The following NPC1L1 variants were observed in gnomAD, a reference collection of about 807,000 sequenced individuals.
NPC1L1 encodes the protein NPC1-like intracellular cholesterol transporter 1.
NPC1L1 carries 98 observed loss-of-function variants against 117.0 expected under a neutral mutation model. The observed-to-expected ratio is 0.84, with a 90% confidence interval of 0.71 to 0.99. The LOEUF (loss-of-function observed/expected upper bound fraction) is 0.99, where lower values mean the gene tolerates loss of function less well. Among genes scored for constraint, NPC1L1 ranks in the 50% least tolerant of loss-of-function variants. NPC1L1 has a pLI of 0.00. For synonymous variants in NPC1L1, 729 were observed against 727.6 expected, an observed-to-expected ratio of 1.00 and a Z score of -0.03; for missense variants, 1,540 against 1,710.0, an observed-to-expected ratio of 0.90 and a Z score of 1.75.
intron 10 of NPC1L1, among the ~76,000 whole-genome samples, chr7:44,529,110 A>AACACACACACACACAC (rs59108479): frequency 8.1e-6 from 1 of 123,012 alleles, no homozygotes. Context: ...GAATGAATTA[A>AACACACACACACACAC]ACACACACAC....
intron 10 of NPC1L1, 137 bp downstream of exon 10, chr7:44,531,618 G>T: frequency 1.4e-6 from 1 of 713,982 alleles, no homozygotes; most frequent in Non-Finnish European, 2.4e-6. Context: ...ACTGCTGGAG[G>T]TGCCTCCAGA....
At chr7:44,520,386 G>A (rs1023861014) in intron 14 of NPC1L1, among the ~76,000 whole-genome samples, 1 of 152,186 alleles carries the variant, frequency 6.6e-6, no homozygotes, top group Non-Finnish European at 1.5e-5. Flanking sequence ...GATTACAGGC[G>A]CCCAGCCTCT....
chr7:44,529,110 A>AACACACACAC (rs59108479), intron 10 of NPC1L1, among the ~76,000 whole-genome samples: 9 of 123,012 alleles, frequency 7.3e-5, no homozygotes, highest in South Asian at 2.9e-4. Flanking sequence ...GAATGAATTA[A>AACACACACAC]ACACACACAC....
chr7:44,535,745 C>T lies in NPC1L1; in HGVS notation c.1983+95G>A, dbSNP rs1801863792. 3 of 1,575,206 alleles carry T rather than the reference C, an allele frequency of 1.9e-6. 1 individual carries two copies. The highest frequency in any genetic ancestry group is 2.6e-6 in the Non-Finnish European group (3 of 1,153,422). ...ACTTGGGTGTGTCCACTTTGCTGTT[C>T]TGAGGTGCTGTGGTTAGGAAAGTTG... On this transcript the variant is annotated intron_variant, in intron 5 of 18. Transcript: ENST00000381160.
Position 44,539,462 on chromosome 7 carries a change from T to C in NPC1L1, c.935A>G (p.Asp312Gly). ...CTTGGGGTCCACCATCTTGCTTTTG[T>C]CCCTGGCGGGGGCCACACGGAATCC... ...LVGFRVAPAR[D>G]KSKMVDPKKG... Residue 312 changes from aspartate to glycine, a missense_variant, in exon 2 of 19, where the codon GAC becomes GGC. Asp to Gly is a moderately conservative substitution (Grantham distance 94, BLOSUM62 -1). Around this residue, in one of 3 missense-constraint regions of NPC1L1, gnomAD observed 793 missense variants for 820.4 expected, o/e 0.97. Transcript: ENST00000381160. This position sits in a 1 kb window ranked among gnomAD's most constrained non-coding sequence, Gnocchi z 4.4. 1 of 1,614,058 alleles carries C rather than the reference T, an allele frequency of 6.2e-7. No individual in the cohort carries two copies. The highest frequency in any genetic ancestry group is 8.5e-7 in the Non-Finnish European group (1 of 1,180,012).
rs1003595534 is a variant in NPC1L1 at position 44,516,789 on chromosome 7, T to G, written c.3433A>C (p.Ile1145Leu). The change falls in exon 16 of 19, where the codon ATT (isoleucine) becomes CTT (leucine). Residue 1145 changes from isoleucine (I) to leucine (L), a missense_variant. Around this residue, in one of 3 missense-constraint regions of NPC1L1, gnomAD observed 742 missense variants for 873.6 expected, o/e 0.85. Coordinates refer to ENST00000381160, the MANE Select transcript of NPC1L1 (RefSeq NM_001101648.2). ...LRSGLLNLLSIVMILVDTVGF... is the reference protein window; with the variant it reads ...LRSGLLNLLSLVMILVDTVGF... The stretch of plus-strand genomic sequence containing the variant: ...ACAGTGTCCACGAGGATCATGACAA[T>G]GGAGAGCAGGTTGAGGAGGCCGGAG... 6.2e-7 allele frequency: 1 copy of G among 1,613,528 alleles called. No homozygotes were observed. The highest frequency in any genetic ancestry group is 8.5e-7 in the Non-Finnish European group (1 of 1,179,920).
chr7:44,517,435 C>T lies in NPC1L1; in HGVS notation c.3137-78G>A, dbSNP rs10272471. 3,507 of 1,539,904 alleles carry T rather than the reference C, an allele frequency of 2.3e-3. 70 individuals carry two copies. In the African/African-American group the frequency reaches 0.041, roughly 18 times the overall value. On this transcript the variant is annotated intron_variant, in intron 14 of 18. Coordinates refer to ENST00000381160, the MANE Select transcript of NPC1L1 (RefSeq NM_001101648.2). ...CAGGACAACTTCAGAACACCGCAGA[C>T]GCAGTGGCACAGGCATGTGATCAAG...
rs1801872948 is a variant in NPC1L1 at position 44,535,902 on chromosome 7, T to C, written c.1921A>G (p.Ile641Val). 2 of 1,613,332 alleles carry C rather than the reference T, an allele frequency of 1.2e-6. No individual in the cohort carries two copies. The highest frequency in any genetic ancestry group is 1.7e-5 in the Admixed American group (1 of 60,000). Reference sequence around the variant, plus strand: ...AGAGAGATGTACAGGAATATGACAATGTAGCTGGTGGCAAAGATGGGCAGG... The same window carrying C: ...AGAGAGATGTACAGGAATATGACAACGTAGCTGGTGGCAAAGATGGGCAGG... ...EDLPIFATSY[I>V]VIFLYISLAL... The change falls in exon 5 of 19, where the codon ATT becomes GTT. Residue 641 changes from isoleucine to valine, a missense_variant. Around this residue, in one of 3 missense-constraint regions of NPC1L1, gnomAD observed 5 missense variants for 16.1 expected, o/e 0.31. Coordinates refer to ENST00000381160, the MANE Select transcript of NPC1L1 (RefSeq NM_001101648.2).
In NPC1L1 at chr7:44,513,661, C is replaced by CA. The variant is rs1351348061; in HGVS notation, c.3797-13dup. On this transcript the variant is annotated splice_polypyrimidine_tract_variant and intron_variant, in intron 18 of 18. Coordinates refer to ENST00000381160, the MANE Select transcript of NPC1L1 (RefSeq NM_001101648.2). The stretch of plus-strand genomic sequence containing the variant: ...GTTAACGTCAGGCCCTGCGGAGAGA[C>CA]AGAGAACCACAGTCAGAGAGGTGGG... The CA allele has an allele frequency of 2.5e-6, 4 of 1,611,076 alleles. No individual in the cohort carries two copies. The South Asian group carries it at 4.4e-5, about 18-fold the overall frequency.
chr7:44,523,084 T>C (rs1006634064), intron 10 of NPC1L1, among the ~76,000 whole-genome samples: 1 of 152,164 alleles, frequency 6.6e-6, no homozygotes, highest in South Asian at 2.1e-4. Context: ...TGTTTTGAGA[T>C]GGATGGAGTC....
At chr7:44,527,051 T>G (rs1231535438) in intron 10 of NPC1L1, among the ~76,000 whole-genome samples, 7 of 151,410 alleles carry the variant, frequency 4.6e-5, no homozygotes, top group African/African-American at 1.7e-4. Context: ...TTTAAAAAAT[T>G]AAAATGAGGG....
At position 44,516,685 on chromosome 7, in the gene NPC1L1, C is replaced by T. The variant is rs1348665516; in HGVS notation, c.3519+18G>A. 3.1e-6 allele frequency: 5 copies of T among 1,593,476 alleles called. No homozygotes were observed. The highest frequency in any genetic ancestry group is 4.3e-6 in the Non-Finnish European group (5 of 1,167,350). On this transcript the variant is annotated intron_variant, in intron 16 of 18. Transcript: ENST00000381160. ...CACCCCTCCAGAGGCCCCCTGGTGC[C>T]TGTGTCTGCTGGGTTACCGAGACCA...
intron 10 of NPC1L1, among the ~76,000 whole-genome samples, chr7:44,525,309 G>C (rs1016876835): frequency 9.2e-5 from 14 of 152,040 alleles, no homozygotes; most frequent in African/African-American, 3.1e-4. Flanking sequence ...CCAGGCTGGA[G>C]TGCAGTGGCA....
In NPC1L1 at chr7:44,539,780, T is replaced by G. The variant is rs752454854; in HGVS notation, c.617A>C (p.Gln206Pro). The change falls in exon 2 of 19, where the codon CAG (glutamine) becomes CCG (proline). Residue 206 changes from glutamine (Q) to proline (P), a missense_variant. This residue lies in a region of NPC1L1 where 793 missense variants were observed against 820.4 expected (regional missense o/e 0.97). Coordinates refer to ENST00000381160, the MANE Select transcript of NPC1L1 (RefSeq NM_001101648.2). This position sits in a 1 kb window ranked among gnomAD's most constrained non-coding sequence, Gnocchi z 4.4. The part of the protein sequence containing the change: ...LCNAQRWLNF[Q>P]GDTGNGLAPL... The stretch of plus-strand genomic sequence containing the variant: ...GGCCAGACCATTGCCTGTGTCTCCC[T>G]GGAAGTTGAGCCAGCGCTGGGCATT... 6.2e-7 allele frequency: 1 copy of G among 1,614,120 alleles called. No homozygotes were observed. The highest frequency in any genetic ancestry group is 8.5e-7 in the Non-Finnish European group (1 of 1,180,024).
At position 44,513,034 on chromosome 7, in the gene NPC1L1, T is replaced by A; in HGVS notation, c.*413A>T. The A allele has an allele frequency of 3.4e-6, 1 of 290,496 alleles. No homozygotes were observed. The highest frequency in any genetic ancestry group is 6.8e-6 in the Non-Finnish European group (1 of 146,572). 18.0% of individuals were successfully genotyped at this position (290,496 alleles called of 1,614,324 possible). ...CCCAGGGTAGTGGTCATTGTCTGTG[T>A]TCTCAGGGACACTGCTACGTGTTAA... On this transcript the variant is annotated 3_prime_UTR_variant, in exon 19 of 19. Transcript: ENST00000381160.
intron 2 of NPC1L1, 66 bp from the exon 3 acceptor site, chr7:44,537,008 C>T: frequency 2.3e-6 from 3 of 1,327,762 alleles, no homozygotes; most frequent in Non-Finnish European, 3.2e-6. Context: ...ATGGCCCCTC[C>T]CTTCCCCTCC....
chr7:44,528,536 T>C (rs1381440678), intron 10 of NPC1L1, among the ~76,000 whole-genome samples: 2 of 152,198 alleles, frequency 1.3e-5, no homozygotes, highest in African/African-American at 4.8e-5. Context: ...ACATTTAAGA[T>C]AATCCCCATG....
At chr7:44,515,289 G>A (rs1446890300) in intron 18 of NPC1L1, among the ~76,000 whole-genome samples, 2 of 152,104 alleles carry the variant, frequency 1.3e-5, no homozygotes, top group East Asian at 1.9e-4. Flanking sequence ...GGGAAGTCAA[G>A]GTGGCAGTGA....
rs961858505 is a variant in NPC1L1, at chr7:44,534,321, G to A, written c.2166+126C>T. 6.8e-5 allele frequency: 60 copies of A among 883,718 alleles called. No homozygotes were observed. The highest frequency in any genetic ancestry group is 4.4e-4 in the Middle Eastern group (2 of 4,564). The allele number at this position is 883,718 out of a possible 1,614,324, so 54.7% of individuals were successfully genotyped here. On this transcript the variant is annotated intron_variant, in intron 6 of 18. Transcript: ENST00000381160. The surrounding 1 kb of genome is among the most constrained non-coding windows in gnomAD (Gnocchi z 5.2). Reference sequence around the variant, plus strand: ...GTTTCTACAGATATTGTAAACATGCGTGTCGATGAACAGAAAGAGTCTGCA... The same window carrying A: ...GTTTCTACAGATATTGTAAACATGCATGTCGATGAACAGAAAGAGTCTGCA...
Sources: allele counts gnomAD v4.1 joint callset (sites outside exome capture counted in the v4.1 genomes callset), GRCh38; gene constraint gnomAD v4.1.1; regional missense constraint gnomAD v4.1.1; non-coding constraint Gnocchi (gnomAD v3.1); transcripts MANE v1.5; gene names NCBI Gene and HGNC (gene_info 2026-07-23, HGNC 2026-07-21).